Variants in MRNIP observed in about 807,000 individuals in gnomAD.
MRNIP encodes MRN complex-interacting protein.
MRNIP carries 30 observed loss-of-function variants against 29.8 expected under a neutral mutation model. The observed-to-expected ratio is 1.01, with a 90% CI of 0.75 to 1.36. The LOEUF (loss-of-function observed/expected upper bound fraction) is 1.36. Among genes scored for constraint, MRNIP ranks in the 40% most tolerant of loss-of-function variants. The pLI is 0.00. For missense variants in MRNIP, 459 were observed against 423.5 expected, an observed-to-expected ratio of 1.08 and a Z score of -0.74; for synonymous variants, 201 against 164.1, an observed-to-expected ratio of 1.23 and a Z score of -1.72.
intron 4 of MRNIP, among the ~76,000 whole-genome samples, chr5:179,842,725 A>AC (rs1758943667): frequency 8.4e-6 from 1 of 118,646 alleles, no homozygotes; most frequent in African/African-American, 3.1e-5. Flanking sequence ...AAAAAAAAAA[A>AC]AAAAAGAACA....
At chr5:179,848,806 C>A (rs74401024) in intron 2 of MRNIP, among the ~76,000 whole-genome samples, 3,700 of 152,304 alleles carry the variant, frequency 0.024, 155 homozygotes, top group African/African-American at 0.084. Context: ...GAAGAAGCAA[C>A]CCACATGGCT....
chr5:179,841,263 T>G, intron 5 of MRNIP: 1 of 389,004 alleles, frequency 2.6e-6, no homozygotes, highest in Non-Finnish European at 4.7e-6. Context: ...GCCTCCCAAG[T>G]AGCTGGGACC....
intron 4 of MRNIP, 62 bp from the exon 5 acceptor site, chr5:179,842,126 C>T (rs1758907129): frequency 1.8e-5 from 27 of 1,530,636 alleles, no homozygotes; most frequent in Non-Finnish European, 2.4e-5. Flanking sequence ...TATCGAAAAC[C>T]CCTAGCCCAA....
chr5:179,850,437 T>A (rs1429597292), intron 2 of MRNIP, among the ~76,000 whole-genome samples: 1 of 152,222 alleles, frequency 6.6e-6, no homozygotes, highest in Non-Finnish European at 1.5e-5. Flanking sequence ...ACGTGTCCAG[T>A]GTTCCTCAAC....
intron 1 of MRNIP, among the ~76,000 whole-genome samples, chr5:179,854,109 C>G (rs1014753318): frequency 7.3e-5 from 11 of 151,280 alleles, no homozygotes; most frequent in Admixed American, 6.6e-5. Context: ...CAAGCTCCCC[C>G]TCCCGGGTTC....
At chr5:179,851,545 A>T (rs1759366500) in intron 2 of MRNIP, 9 of 429,072 alleles carry the variant, frequency 2.1e-5, no homozygotes, top group South Asian at 1.4e-4. Flanking sequence ...TCTTGGGGCT[A>T]GTTTTTCAAG....
rs1582033230 is a variant in MRNIP, at chr5:179,837,585, T to G, written c.838A>C (p.Thr280Pro). ...GCCCGAGGAAGCTGGACAGCGGCAG[T>G]GGGCCTGCTGAGGCCTTCTCTTGAG... ...QASREGLSRP[T>P]AAVQLPRATH... is the part of the protein sequence containing the mutation. The change falls in exon 7 of 7, where the codon ACT (threonine) becomes CCT (proline). Residue 280 changes from threonine to proline, a missense_variant. Thr to Pro is a conservative substitution (Grantham distance 38). Transcript: ENST00000292586. 1 of 1,614,044 alleles carries G rather than the reference T, an allele frequency of 6.2e-7. No homozygotes were observed. The highest frequency in any genetic ancestry group is 8.5e-7 in the Non-Finnish European group (1 of 1,179,992).
At chr5:179,841,839 A>C (rs1025087316) in intron 5 of MRNIP, 68 bp downstream of exon 5, 10 of 1,514,768 alleles carry the variant, frequency 6.6e-6, no homozygotes, top group Middle Eastern at 2.4e-4. Flanking sequence ...ACAGTGGCTC[A>C]CTGGTGCCCC....
intron 4 of MRNIP, among the ~76,000 whole-genome samples, chr5:179,842,988 A>T (rs148787844): frequency 1.4e-5 from 2 of 142,274 alleles, no homozygotes; most frequent in African/African-American, 5.2e-5. Flanking sequence ...AGCTGAGATC[A>T]CGCCACTGCA....
At chr5:179,843,967 T>C (rs934408664) in intron 4 of MRNIP, among the ~76,000 whole-genome samples, 185 bp downstream of exon 4, 15 of 152,176 alleles carry the variant, frequency 9.9e-5, no homozygotes, top group Admixed American at 5.9e-4. Context: ...TTGGTACACA[T>C]GGCTGCCTCC....
At chr5:179,857,095 T>C (rs1006805154) in intron 1 of MRNIP, among the ~76,000 whole-genome samples, 1 of 151,520 alleles carries the variant, frequency 6.6e-6, no homozygotes, top group African/African-American at 2.4e-5. Flanking sequence ...TCAAAATAAA[T>C]AAGTAAATAA....
At chr5:179,838,249 C>A in intron 6 of MRNIP, 1 of 288,638 alleles carries the variant, frequency 3.5e-6, no homozygotes. Flanking sequence ...ATTCTGCTAC[C>A]TCCCACCGGG....
intron 1 of MRNIP, among the ~76,000 whole-genome samples, chr5:179,853,807 T>C (rs912117493): frequency 3.9e-5 from 6 of 151,956 alleles, no homozygotes; most frequent in Admixed American, 6.6e-5. Context: ...ACAAATGGAA[T>C]TGGATCTGAA....
rs755377558 is a variant in MRNIP at position 179,837,423 on chromosome 5, T to C, written c.1000A>G (p.Ile334Val). ...PRPTRLCDLF[I>V]TGEDFDDDV ...TCATCATCGAAGTCTTCCCCAGTTATAAAGAGGTCACATAGTCGTGTGGGT... is the reference window on the plus strand; with the variant it reads ...TCATCATCGAAGTCTTCCCCAGTTACAAAGAGGTCACATAGTCGTGTGGGT... Residue 334 changes from isoleucine to valine, a missense_variant, in exon 7 of 7, where the codon ATA becomes GTA. Ile to Val is a conservative substitution (Grantham distance 29). Transcript: ENST00000292586. The C allele has an allele frequency of 2.7e-5, 43 of 1,603,698 alleles. No homozygotes were observed. Among genetic ancestry groups the C allele is most frequent in the South Asian group, 3.3e-5 (3 of 90,148 alleles).
rs1346024390 is a variant in MRNIP, at chr5:179,848,024, G to A, written c.169C>T (p.Gln57Ter). ...GSGADCRRHVQKLNLLQGQVS... is the reference protein window; with the variant it reads ...GSGADCRRHV ...TGTCCCTGTAGTAGATTTAACTTTT[G>A]GACATGGCGTCTACAATCAGCACCA... Residue 57 changes from glutamine to a stop codon, truncating the protein, a stop_gained, in exon 3 of 7, where the codon CAA becomes TAA. Transcript: ENST00000292586. LOFTEE classifies it high-confidence loss of function. 1.9e-6 allele frequency: 3 copies of A among 1,613,764 alleles called. No individual in the cohort carries two copies. The highest frequency in any genetic ancestry group is 1.3e-5 in the African/African-American group (1 of 74,888).
At chr5:179,855,314 T>C (rs1210781196) in intron 1 of MRNIP, among the ~76,000 whole-genome samples, 2 of 151,912 alleles carry the variant, frequency 1.3e-5, no homozygotes, top group Non-Finnish European at 2.9e-5. Flanking sequence ...CCGGCTAACT[T>C]TGTGGTTTTA....
chr5:179,855,366 A>G (rs1759531947), intron 1 of MRNIP, among the ~76,000 whole-genome samples: 2 of 151,964 alleles, frequency 1.3e-5, no homozygotes, highest in South Asian at 4.2e-4. Context: ...CTGGTCTCGA[A>G]CTCCTGACCT....
chr5:179,842,761 G>A (rs543530909), intron 4 of MRNIP, among the ~76,000 whole-genome samples: 24 of 147,918 alleles, frequency 1.6e-4, no homozygotes, highest in Admixed American at 8.1e-4. Context: ...GGCCAGGCGC[G>A]GTGGCTCACA....
chr5:179,838,036 T>C lies in MRNIP; in HGVS notation c.538-151A>G, dbSNP rs1338579504. 4 of 701,734 alleles carry C rather than the reference T, an allele frequency of 5.7e-6. No individual in the cohort carries two copies. In the African/African-American group the frequency reaches 7.2e-5, roughly 13 times the overall value. 43.5% of individuals were successfully genotyped at this position (701,734 alleles called of 1,614,324 possible). A position where few individuals can be genotyped will look rare whatever the true frequency, so the allele number is the denominator to read the frequency against. Reference sequence around the variant, plus strand: ...CTGGGACAGGCTTTGATTTTGAGGGTTAGCAAGACAAAGCAAATAAATGCC... The same window carrying C: ...CTGGGACAGGCTTTGATTTTGAGGGCTAGCAAGACAAAGCAAATAAATGCC... On this transcript the variant is annotated intron_variant, in intron 6 of 6. Transcript: ENST00000292586.
Sources: gnomAD v4.1 joint callset for allele counts (sites outside exome capture counted in the v4.1 genomes callset) on GRCh38, gnomAD v4.1.1 for gene constraint, MANE v1.5 for transcripts, NCBI Gene and HGNC (gene_info 2026-07-23, HGNC 2026-07-21) for gene names.